The following FYN variants were observed in gnomAD, a reference collection of about 807,000 sequenced individuals.
FYN encodes the protein tyrosine-protein kinase Fyn.
FYN carries 10 observed loss-of-function variants against 70.2 expected under a neutral mutation model. The observed-to-expected ratio is 0.14, with a 90% CI of 0.09 to 0.24. FYN has a LOEUF of 0.24. FYN is among the 10% of genes least tolerant of loss of function. The pLI is 1.00. For missense variants in FYN, 319 were observed against 673.1 expected, an observed-to-expected ratio of 0.47 and a Z score of 5.82; for synonymous variants, 236 against 248.6, an observed-to-expected ratio of 0.95 and a Z score of 0.48.
At chr6:111,817,016 C>T (rs562745703) in intron 2 of FYN, among the ~76,000 whole-genome samples, 15 of 152,104 alleles carry the variant, frequency 9.9e-5, no homozygotes, top group Non-Finnish European at 1.9e-4. Flanking sequence ...ACAGGATATA[C>T]ATGTATAACT....
At chr6:111,810,375 G>A (rs9387040) in intron 2 of FYN, among the ~76,000 whole-genome samples, 47,469 of 152,042 alleles carry the variant, frequency 0.31, 12,133 homozygotes, top group African/African-American at 0.71. Flanking sequence ...TAAATTACAA[G>A]TGCAATCAGT....
chr6:111,765,812 T>A (rs1803209308), intron 3 of FYN, among the ~76,000 whole-genome samples: 1 of 151,054 alleles, frequency 6.6e-6, no homozygotes, highest in South Asian at 2.1e-4. Flanking sequence ...CAGATTAGAC[T>A]TAGACTCTAA....
At position 111,873,379 on chromosome 6, in the gene FYN, G is replaced by A. The variant is rs1774346106; in HGVS notation, c.-534C>T. The A allele has an allele frequency of 6.6e-6, 1 of 151,546 alleles. No homozygotes were observed. Among genetic ancestry groups the A allele is most frequent in the Non-Finnish European group, 1.5e-5 (1 of 67,840 alleles). 9.4% of individuals were successfully genotyped at this position (151,546 alleles called of 1,614,324 possible). ...CCCCCTCCTCGCCGGCTCCGCTCCT[G>A]ACAGATGGCGCAACTGCAACGACGC... On this transcript the variant is annotated 5_prime_UTR_variant, in exon 1 of 14. Transcript: ENST00000354650.
At position 111,661,559 on chromosome 6, in the gene FYN, G is replaced by T; in HGVS notation, c.*180C>A. The T allele has an allele frequency of 1.7e-6, 1 of 603,994 alleles. No individual in the cohort carries two copies. The highest frequency in any genetic ancestry group is 2.1e-5 in the South Asian group (1 of 48,382). 37.4% of individuals were successfully genotyped at this position (603,994 alleles called of 1,614,324 possible). A position where few individuals can be genotyped will look rare whatever the true frequency, so the allele number is the denominator to read the frequency against. ...CTGTCTCGAATGCTTCACAGAGGAG[G>T]TTCGGATTTGGGGACAAGTGTCATT... On this transcript the variant is annotated 3_prime_UTR_variant, in exon 14 of 14. Coordinates refer to ENST00000354650, the MANE Select transcript of FYN (RefSeq NM_002037.5). This position sits in a 1 kb window ranked among gnomAD's most constrained non-coding sequence, Gnocchi z 4.0.
intron 2 of FYN, among the ~76,000 whole-genome samples, chr6:111,781,259 G>A (rs1358922818): frequency 2.0e-5 from 3 of 152,016 alleles, no homozygotes; most frequent in East Asian, 1.9e-4. Flanking sequence ...AACTAACACC[G>A]CCTTCTTCAC....
intron 3 of FYN, among the ~76,000 whole-genome samples, chr6:111,729,419 G>A (rs1315150861): frequency 6.6e-6 from 1 of 151,148 alleles, no homozygotes; most frequent in East Asian, 1.9e-4. Flanking sequence ...GGTTTGCAGT[G>A]AGCTGAGATG....
chr6:111,731,289 C>T (rs1014079260), intron 3 of FYN, among the ~76,000 whole-genome samples: 5 of 152,206 alleles, frequency 3.3e-5, no homozygotes, highest in Admixed American at 2.0e-4. Context: ...GATCCAATTC[C>T]TTTAAAGACA....
intron 3 of FYN, among the ~76,000 whole-genome samples, chr6:111,743,346 T>C (rs1181095958): frequency 2.0e-5 from 3 of 152,248 alleles, no homozygotes; most frequent in Non-Finnish European, 4.4e-5. Flanking sequence ...TCTGTATCCC[T>C]GTATTTCTTA....
At chr6:111,833,370 T>C (rs1425408590) in intron 2 of FYN, among the ~76,000 whole-genome samples, 1 of 152,252 alleles carries the variant, frequency 6.6e-6, no homozygotes, top group African/African-American at 2.4e-5. Flanking sequence ...AATATCTGTG[T>C]GCCTCTGCGT....
rs1419764312 is a variant in FYN at position 111,873,122 on chromosome 6, C to T, written c.-277G>A. On this transcript the variant is annotated 5_prime_UTR_variant, in exon 1 of 14. Coordinates refer to ENST00000354650, the MANE Select transcript of FYN (RefSeq NM_002037.5). ...GGGCGGCGCCGGGGTGTCCCCGGCC[C>T]GGCGGCCGAATCCCTCCCTGGCGCG... The T allele has an allele frequency of 2.1e-5, 3 of 145,686 alleles. No homozygotes were observed. The highest frequency in any genetic ancestry group is 2.0e-4 in the East Asian group (1 of 4,886). 9.0% of individuals were successfully genotyped at this position (145,686 alleles called of 1,614,324 possible).
intron 2 of FYN, among the ~76,000 whole-genome samples, chr6:111,826,496 C>A (rs1189715728): frequency 1.3e-5 from 2 of 152,046 alleles, no homozygotes; most frequent in Non-Finnish European, 2.9e-5. Context: ...CAAGAATATG[C>A]CTGAATCCAA....
chr6:111,849,153 T>A (rs2114486875), intron 1 of FYN, among the ~76,000 whole-genome samples: 1 of 152,366 alleles, frequency 6.6e-6, no homozygotes, highest in Admixed American at 6.5e-5. Flanking sequence ...TGCTGATGTT[T>A]CGTTTGAGAA....
rs1186328565 is a variant in FYN, at chr6:111,764,262, AG to A, written c.-12+16303del. 2.6e-5 allele frequency among the ~76,000 whole-genome samples: 4 copies of A among 151,458 alleles called. No homozygotes were observed. In the East Asian group the frequency reaches 7.7e-4, roughly 29 times the overall value. ...AGAAAAAAAAAGAAAGAAAGAAAAAAGAAAAAAGCGATTTGAAATATTTAAT... is the reference window on the plus strand; with the variant it reads ...AGAAAAAAAAAGAAAGAAAGAAAAAAAAAAAAGCGATTTGAAATATTTAAT... On this transcript the variant is annotated intron_variant, in intron 3 of 13. Coordinates refer to ENST00000354650, the MANE Select transcript of FYN (RefSeq NM_002037.5).
At chr6:111,815,875 GT>G (rs904742385) in intron 2 of FYN, among the ~76,000 whole-genome samples, 24 of 151,910 alleles carry the variant, frequency 1.6e-4, no homozygotes, top group Non-Finnish European at 2.8e-4. Flanking sequence ...AATTTTTGTA[GT>G]TTTTGTAGAG....
intron 8 of FYN, among the ~76,000 whole-genome samples, chr6:111,701,363 C>A (rs771226040): frequency 1.3e-5 from 2 of 152,132 alleles, no homozygotes; most frequent in African/African-American, 4.8e-5. Flanking sequence ...CCTGGCAGCC[C>A]CCGGACCCAG....
At chr6:111,708,126 C>G (rs1800188323) in intron 5 of FYN, 106 bp from the exon 6 acceptor site, 4 of 800,170 alleles carry the variant, frequency 5.0e-6, no homozygotes, top group Non-Finnish European at 8.5e-6. Flanking sequence ...ATCCTGCCAC[C>G]CGATTTCTCC....
At chr6:111,740,571 G>A (rs555248884) in intron 3 of FYN, among the ~76,000 whole-genome samples, 6 of 152,198 alleles carry the variant, frequency 3.9e-5, no homozygotes, top group Middle Eastern at 3.4e-3. Context: ...GTTACTCCCA[G>A]GCTTAAAATG....
chr6:111,795,558 G>A (rs1327308208), intron 2 of FYN, among the ~76,000 whole-genome samples: 1 of 152,180 alleles, frequency 6.6e-6, no homozygotes, highest in Non-Finnish European at 1.5e-5. Context: ...ATGTGGACTT[G>A]TGATATAAAC....
chr6:111,710,318 C>T (rs1380282402), intron 5 of FYN, among the ~76,000 whole-genome samples: 1 of 152,208 alleles, frequency 6.6e-6, no homozygotes, highest in East Asian at 1.9e-4. Context: ...ATACATTTTG[C>T]TGCAGGTTGG....
Sources: allele counts gnomAD v4.1 joint callset (sites outside exome capture counted in the v4.1 genomes callset), GRCh38; gene constraint gnomAD v4.1.1; non-coding constraint Gnocchi (gnomAD v3.1); transcripts MANE v1.5; gene names NCBI Gene and HGNC (gene_info 2026-07-23, HGNC 2026-07-21).